The following LRRC49 variants were observed in gnomAD, a reference collection of about 807,000 sequenced individuals.
The protein encoded by LRRC49 is leucine-rich repeat-containing protein 49.
In LRRC49, 50 loss-of-function variants were observed where a neutral mutation model predicts 83.3. That is an observed-to-expected ratio of 0.60 (90% CI 0.48 to 0.76). LRRC49 has a LOEUF of 0.76. Ranked by LOEUF, LRRC49 falls within the 30% of genes least tolerant of loss-of-function variation. The probability of loss-of-function intolerance (pLI) is 0.00; values close to 1 mark genes in which losing one functional copy is unlikely to be tolerated. For missense variants in LRRC49, 704 were observed against 809.1 expected (o/e 0.87, Z 1.58); for synonymous variants, 286 against 283.3 (o/e 1.01, Z -0.10).
At chr15:71,005,746 T>G (rs745996995) in intron 11 of LRRC49, among the ~76,000 whole-genome samples, 5 of 152,176 alleles carry the variant, frequency 3.3e-5, no homozygotes, top group Non-Finnish European at 7.4e-5. Flanking sequence ...TAGTGGGCTT[T>G]GAGGACATGT....
At position 70,919,181 on chromosome 15, in the gene LRRC49, A is replaced by G. The variant is rs1366965152; in HGVS notation, c.699A>G (p.Gln233=). The G allele has an allele frequency of 1.9e-6, 3 of 1,611,554 alleles. No individual in the cohort carries two copies. The highest frequency in any genetic ancestry group is 2.2e-5 in the South Asian group (2 of 90,348). ...SLTELNLRHN[Q]ITFVRDVDNL... The stretch of plus-strand genomic sequence containing the variant: ...CTGAACTTAACTTGCGACACAATCA[A>G]ATCACTTTCGTGGTGAGTATTAAAA... The change falls in exon 7 of 16, where the codon CAA becomes CAG. Residue 233 remains glutamine, a synonymous_variant. Transcript: ENST00000260382.
intron 9 of LRRC49, among the ~76,000 whole-genome samples, chr15:70,979,089 T>G (rs879932908): frequency 1.3e-5 from 2 of 152,136 alleles, no homozygotes; most frequent in Non-Finnish European, 2.9e-5. Flanking sequence ...ACAAATCTTT[T>G]GGTAATGAAA....
intron 14 of LRRC49, among the ~76,000 whole-genome samples, chr15:71,019,270 C>T (rs75488915): frequency 0.011 from 1,692 of 152,244 alleles, 37 homozygotes; most frequent in African/African-American, 0.037. Flanking sequence ...CAGTGACCAG[C>T]CCCCATCCTG....
intron 7 of LRRC49, among the ~76,000 whole-genome samples, chr15:70,920,452 A>T (rs1452209890): frequency 6.6e-6 from 1 of 152,222 alleles, no homozygotes; most frequent in Non-Finnish European, 1.5e-5. Context: ...TTTAGAAGAC[A>T]TTCAGATTGG....
intron 5 of LRRC49, among the ~76,000 whole-genome samples, chr15:70,909,839 AACACACAC>A (rs146189261): frequency 0.012 from 1,666 of 136,146 alleles, 39 homozygotes; most frequent in African/African-American, 0.043. Context: ...CTCCATCTCA[AACACACAC>A]ACACACACAC....
At chr15:71,017,746 A>G (rs953720039) in intron 14 of LRRC49, among the ~76,000 whole-genome samples, 2 of 152,206 alleles carry the variant, frequency 1.3e-5, no homozygotes, top group African/African-American at 2.4e-5. Flanking sequence ...TACACTGTAC[A>G]TGTTGGTAGA....
chr15:70,977,717 A>C (rs948885968), intron 9 of LRRC49, among the ~76,000 whole-genome samples: 5 of 152,190 alleles, frequency 3.3e-5, no homozygotes, highest in African/African-American at 1.2e-4. Context: ...AAATTACATT[A>C]CATTTCCATT....
At chr15:71,023,366 G>A (rs2039053108) in intron 14 of LRRC49, among the ~76,000 whole-genome samples, 1 of 152,196 alleles carries the variant, frequency 6.6e-6, no homozygotes, top group Non-Finnish European at 1.5e-5. Context: ...TACAGACATT[G>A]CTTCTGTAAT....
chr15:70,974,915 C>T (rs767603339), intron 9 of LRRC49, among the ~76,000 whole-genome samples: 1 of 152,132 alleles, frequency 6.6e-6, no homozygotes, highest in Non-Finnish European at 1.5e-5. Context: ...TCCATAACAA[C>T]AATCAAGCAA....
chr15:70,986,426 C>T (rs1298571758), intron 11 of LRRC49, among the ~76,000 whole-genome samples: 1 of 151,580 alleles, frequency 6.6e-6, no homozygotes, highest in Non-Finnish European at 1.5e-5. Flanking sequence ...CATGATTTGG[C>T]TCTCTGTTTG....
At chr15:71,014,015 T>G (rs1360246838) in intron 14 of LRRC49, among the ~76,000 whole-genome samples, 1 of 152,118 alleles carries the variant, frequency 6.6e-6, no homozygotes, top group Non-Finnish European at 1.5e-5. Context: ...ACTAACAAAG[T>G]GAGTCTTTTG....
At chr15:70,992,912 A>T (rs1441767974) in intron 11 of LRRC49, among the ~76,000 whole-genome samples, 1 of 152,210 alleles carries the variant, frequency 6.6e-6, no homozygotes, top group Non-Finnish European at 1.5e-5. Context: ...CAAAGCTGTC[A>T]GACAGGGACA....
chr15:70,896,302 AAC>A (rs2033833552), intron 3 of LRRC49, among the ~76,000 whole-genome samples: 1 of 152,154 alleles, frequency 6.6e-6, no homozygotes, highest in African/African-American at 2.4e-5. Flanking sequence ...GTAGAGAAGA[AAC>A]AATCTTTCCC....
chr15:70,859,271 A>G (rs1417028892), intron 1 of LRRC49: 9 of 853,584 alleles, frequency 1.1e-5, no homozygotes, highest in Non-Finnish European at 1.8e-5. Flanking sequence ...CAATAAGCGT[A>G]CAGAGGTGGA....
intron 11 of LRRC49, among the ~76,000 whole-genome samples, chr15:71,003,689 CACA>C (rs1392225958): frequency 1.3e-5 from 2 of 152,106 alleles, no homozygotes; most frequent in Non-Finnish European, 1.5e-5. Flanking sequence ...TTCTAATCTT[CACA>C]ACAACTCTGA....
chr15:70,899,629 A>G (rs2033984518), intron 3 of LRRC49, among the ~76,000 whole-genome samples: 1 of 152,160 alleles, frequency 6.6e-6, no homozygotes, highest in Admixed American at 6.5e-5. Context: ...GAGATACTTC[A>G]GTTTATGCCT....
intron 4 of LRRC49, among the ~76,000 whole-genome samples, chr15:70,903,493 T>C (rs1303996848): frequency 6.6e-6 from 1 of 152,156 alleles, no homozygotes; most frequent in Non-Finnish European, 1.5e-5. Flanking sequence ...ATAGATTTGT[T>C]AGCCATTAAC....
At chr15:70,897,962 C>G (rs893471264) in intron 3 of LRRC49, among the ~76,000 whole-genome samples, 6 of 152,114 alleles carry the variant, frequency 3.9e-5, no homozygotes, top group African/African-American at 1.4e-4. Flanking sequence ...CAATACTTTG[C>G]TCTTAAGATA....
intron 15 of LRRC49, among the ~76,000 whole-genome samples, chr15:71,040,153 A>G (rs2039654912): frequency 6.6e-6 from 1 of 152,204 alleles, no homozygotes; most frequent in Admixed American, 6.5e-5. Flanking sequence ...AATCATGATT[A>G]TTTCTATAGA....
Sources: allele counts gnomAD v4.1 joint callset (sites outside exome capture counted in the v4.1 genomes callset), GRCh38; gene constraint gnomAD v4.1.1; transcripts MANE v1.5; gene names NCBI Gene and HGNC (gene_info 2026-07-23, HGNC 2026-07-21).